TEX9: variants seen among roughly 807,000 people sequenced by gnomAD.
TEX9 encodes the protein testis-expressed protein 9.
TEX9 carries 74 observed loss-of-function variants against 59.6 expected under a neutral mutation model. The observed-to-expected ratio is 1.24, with a 90% CI of 1.03 to 1.51. TEX9 has a LOEUF of 1.51. Among genes scored for constraint, TEX9 ranks in the 40% most tolerant of loss-of-function variants. The probability of loss-of-function intolerance (pLI) is 0.00; values close to 1 mark genes in which losing one functional copy is unlikely to be tolerated. For synonymous variants in TEX9, 186 were observed against 152.2 expected (o/e 1.22, Z -1.64); for missense variants, 522 against 447.8 (o/e 1.17, Z -1.49).
At chr15:56,379,317 T>G (rs2047612107) in intron 3 of TEX9, among the ~76,000 whole-genome samples, 1 of 152,174 alleles carries the variant, frequency 6.6e-6, no homozygotes, top group African/African-American at 2.4e-5. Context: ...CCATTGGTAA[T>G]TTAGGTGCAT....
At chr15:56,433,804 A>T (rs552322248) in intron 12 of TEX9, among the ~76,000 whole-genome samples, 2 of 152,230 alleles carry the variant, frequency 1.3e-5, no homozygotes, top group Admixed American at 1.3e-4. Flanking sequence ...CCATACCAAA[A>T]CATCCATAGC....
At chr15:56,420,945 C>CT (rs1227834366) in intron 10 of TEX9, among the ~76,000 whole-genome samples, 3 of 151,374 alleles carry the variant, frequency 2.0e-5, no homozygotes, top group African/African-American at 4.9e-5. Context: ...TTTATGGATA[C>CT]TTTTTTTTGG....
chr15:56,411,651 A>G (rs1246018217), intron 9 of TEX9, among the ~76,000 whole-genome samples: 1 of 152,094 alleles, frequency 6.6e-6, no homozygotes, highest in African/African-American at 2.4e-5. Flanking sequence ...TTGGCAGGAG[A>G]TGAGGCTGGT....
the TEX9 span, among the ~76,000 whole-genome samples, chr15:56,454,372 T>TTAG: frequency 7.9e-5 from 12 of 151,328 alleles, no homozygotes; most frequent in African/African-American, 2.4e-4. Flanking sequence ...AATTATACTC[T>TTAG]TTATTTTTAA....
At chr15:56,382,094 A>G (rs1596150349) in intron 3 of TEX9, among the ~76,000 whole-genome samples, 1 of 151,528 alleles carries the variant, frequency 6.6e-6, no homozygotes, top group Non-Finnish European at 1.5e-5. Context: ...CCTGCTGTTC[A>G]CTCCCCTTTC....
At chr15:56,285,208 G>C (rs960050089) in intron 1 of TEX9, among the ~76,000 whole-genome samples, 1 of 151,850 alleles carries the variant, frequency 6.6e-6, no homozygotes, top group Admixed American at 6.6e-5. Flanking sequence ...CTTGATTTTC[G>C]TGTCTCTGAA....
At chr15:56,328,371 C>T (rs2046070302) in intron 1 of TEX9, among the ~76,000 whole-genome samples, 1 of 151,984 alleles carries the variant, frequency 6.6e-6, no homozygotes, top group South Asian at 2.1e-4. Context: ...TGGGTGAGAC[C>T]CAGCACATTC....
chr15:56,422,423 CT>C (rs1567139003), intron 10 of TEX9, among the ~76,000 whole-genome samples: 1 of 151,346 alleles, frequency 6.6e-6, no homozygotes, highest in Non-Finnish European at 1.5e-5. Context: ...TTTTGAATTG[CT>C]TTTTTAAAGA....
intron 9 of TEX9, among the ~76,000 whole-genome samples, chr15:56,411,205 A>C (rs1379420838): frequency 1.3e-5 from 2 of 152,206 alleles, no homozygotes; most frequent in African/African-American, 4.8e-5. Flanking sequence ...GAGTGGGTTT[A>C]GTATTACAAA....
At chr15:56,375,465 T>C (rs1173796403) in intron 3 of TEX9, among the ~76,000 whole-genome samples, 1 of 152,094 alleles carries the variant, frequency 6.6e-6, no homozygotes, top group African/African-American at 2.4e-5. Flanking sequence ...TTTTGTAGGT[T>C]GCCTGTTCAC....
intron 1 of TEX9, among the ~76,000 whole-genome samples, chr15:56,320,628 C>G (rs2045880837): frequency 6.6e-6 from 1 of 152,190 alleles, no homozygotes; most frequent in Admixed American, 6.5e-5. Flanking sequence ...CCTCATTTAA[C>G]TTCAGTTACC....
intron 1 of TEX9, among the ~76,000 whole-genome samples, chr15:56,296,510 T>C (rs1258967909): frequency 6.6e-6 from 1 of 152,172 alleles, no homozygotes; most frequent in Non-Finnish European, 1.5e-5. Context: ...AAATGTAACA[T>C]TTAAAAAGAA....
rs570657744 is a variant in TEX9, at chr15:56,372,313, TC to T, written c.120-1121del. On this transcript the variant is annotated intron_variant, in intron 2 of 12. Coordinates refer to ENST00000352903, the Ensembl canonical transcript of TEX9. ...ACTGTTAAAGGATATGGTACTAATC[TC>T]CCCCCCTTTTTTTTTCCCTGGGGGT... 3.3e-5 allele frequency among the ~76,000 whole-genome samples: 5 copies of T among 152,132 alleles called. No homozygotes were observed. The South Asian group carries it at 8.3e-4, about 25-fold the overall frequency.
intron 1 of TEX9, among the ~76,000 whole-genome samples, chr15:56,257,736 G>A (rs1017840862): frequency 2.0e-5 from 3 of 151,966 alleles, no homozygotes; most frequent in Admixed American, 6.6e-5. Context: ...CCATTCTGCC[G>A]GTTTTCTGTT....
At chr15:56,422,786 T>C (rs561589018) in intron 10 of TEX9, among the ~76,000 whole-genome samples, 3 of 152,074 alleles carry the variant, frequency 2.0e-5, no homozygotes, top group Admixed American at 6.6e-5. Flanking sequence ...TGAAACTCTC[T>C]ACCAATTAAG....
At chr15:56,404,156 C>T (rs1297202008) in intron 9 of TEX9, among the ~76,000 whole-genome samples, 1 of 152,110 alleles carries the variant, frequency 6.6e-6, no homozygotes, top group Non-Finnish European at 1.5e-5. Flanking sequence ...AACTAAAGAC[C>T]TTCTGCACAT....
chr15:56,452,522 CTTTTTTTT>C, the TEX9 span, among the ~76,000 whole-genome samples: 2 of 138,882 alleles, frequency 1.4e-5, no homozygotes, highest in Non-Finnish European at 3.1e-5. Flanking sequence ...TTCTTTTTTT[CTTTTTTTT>C]TTTTTTGAGA....
chr15:56,270,760 C>T (rs1389985665), intron 1 of TEX9, among the ~76,000 whole-genome samples: 1 of 152,184 alleles, frequency 6.6e-6, no homozygotes, highest in Non-Finnish European at 1.5e-5. Flanking sequence ...CACGTTTTTG[C>T]AGTGGCTAGT....
intron 5 of TEX9, among the ~76,000 whole-genome samples, chr15:56,389,008 G>C (rs2048088062): frequency 6.6e-6 from 1 of 151,866 alleles, no homozygotes; most frequent in Non-Finnish European, 1.5e-5. Context: ...GGGAATAATT[G>C]GTTCATGAGG....
Sources: allele counts gnomAD v4.1 joint callset (sites outside exome capture counted in the v4.1 genomes callset), GRCh38; gene constraint gnomAD v4.1.1; transcripts MANE v1.5; gene names NCBI Gene and HGNC (gene_info 2026-07-23, HGNC 2026-07-21).